The following KIAA1549 variants were observed in gnomAD, a reference collection of about 807,000 sequenced individuals.
The protein encoded by KIAA1549 is KIAA1549.
In KIAA1549, 70 loss-of-function variants were observed where a neutral mutation model predicts 156.4. That is an observed-to-expected ratio of 0.45 (90% CI 0.37 to 0.55). The LOEUF is 0.55. KIAA1549 is among the 20% of genes least tolerant of loss of function. The pLI is 0.00. For missense variants in KIAA1549, 2,428 were observed against 2,540.9 expected, an observed-to-expected ratio of 0.96 and a Z score of 0.96; for synonymous variants, 1,103 against 1,066.4, an observed-to-expected ratio of 1.03 and a Z score of -0.67.
chr7:138,930,008 G>A lies in KIAA1549; in HGVS notation c.188-10570C>T, dbSNP rs74922485. 7.1e-3 allele frequency among the ~76,000 whole-genome samples: 1,085 copies of A among 152,310 alleles called. 13 individuals carry two copies. Among genetic ancestry groups the A allele is most frequent in the East Asian group, 0.047 (246 of 5,182 alleles). ...ATGTATTTCTTATATAGTAAGACTT[G>A]AAAGTCAAAATTACTCTTGATCCAT... On this transcript the variant is annotated intron_variant, in intron 1 of 19. Transcript: ENST00000422774.
chr7:138,947,531 T>C (rs1265628549), intron 1 of KIAA1549, among the ~76,000 whole-genome samples: 1 of 152,208 alleles, frequency 6.6e-6, no homozygotes, highest in Admixed American at 6.5e-5. Context: ...ATATACTTTG[T>C]TTTGAAATTA....
rs765859185 is a variant in KIAA1549, at chr7:138,898,921, G to A, written c.3847+34C>T. On this transcript the variant is annotated intron_variant, in intron 9 of 19. Transcript: ENST00000422774. ...GAGCCTGGCTTTGGTGCCCAGCACA[G>A]CACAGCACAGACGACAACACCTCAG... is the stretch of plus-strand genomic sequence containing the variant. The A allele has an allele frequency of 5.0e-6, 8 of 1,607,638 alleles. No homozygotes were observed. The East Asian group carries it at 1.8e-4, about 36-fold the overall frequency.
At position 138,918,130 on chromosome 7, in the gene KIAA1549, T is replaced by C. The variant is rs780740202; in HGVS notation, c.1496A>G (p.Glu499Gly). The C allele has an allele frequency of 6.2e-7, 1 of 1,613,968 alleles. No homozygotes were observed. Among genetic ancestry groups the C allele is most frequent in the Non-Finnish European group, 8.5e-7 (1 of 1,179,880 alleles). The change falls in exon 2 of 20, where the codon GAA becomes GGA. Residue 499 changes from glutamate to glycine, a missense_variant. Coordinates refer to ENST00000422774, the MANE Select transcript of KIAA1549 (RefSeq NM_001164665.2). The surrounding 1 kb of genome is among the most constrained non-coding windows in gnomAD (Gnocchi z 4.2). Reference sequence around the variant, plus strand: ...AATGCCAACACTCGTCTCTGAGATTTCCATGGATCTAGAAGAAAGTGGGAC... The same window carrying C: ...AATGCCAACACTCGTCTCTGAGATTCCCATGGATCTAGAAGAAAGTGGGAC... ...PIVPLSSRSM[E>G]ISETSVGISA...
chr7:138,932,351 C>T (rs529009888), intron 1 of KIAA1549, among the ~76,000 whole-genome samples: 3 of 151,988 alleles, frequency 2.0e-5, no homozygotes, highest in Admixed American at 6.6e-5. Flanking sequence ...ACTAGGAATG[C>T]AGCCCACTGG....
At chr7:138,869,815 G>C in intron 13 of KIAA1549, 54 bp from the exon 14 acceptor site, 1 of 1,262,852 alleles carries the variant, frequency 7.9e-7, no homozygotes, top group Non-Finnish European at 1.1e-6. Flanking sequence ...GGAAGCTTCT[G>C]GGACACACAC....
chr7:138,916,600 G>T, intron 2 of KIAA1549, 148 bp downstream of exon 2: 1 of 1,294,290 alleles, frequency 7.7e-7, no homozygotes, highest in Non-Finnish European at 1.0e-6. Flanking sequence ...AGAACTCGCA[G>T]GAGGTAAGCA....
In KIAA1549 at chr7:138,869,750, C is replaced by A. The variant is rs528797020; in HGVS notation, c.4563G>T (p.Ala1521=). ...GCTCGATCTCAGACTTGTGCCGCAG[C>A]GCGGTCTGAATCTGAGGAAGGGTGA... ...SNKINKEIQT[A]LRHKSEIEHH... Residue 1521 remains alanine (A), a synonymous_variant, in exon 14 of 20, where the codon GCG becomes GCT. Coordinates refer to ENST00000422774, the MANE Select transcript of KIAA1549 (RefSeq NM_001164665.2). 1.1e-5 allele frequency: 17 copies of A among 1,609,392 alleles called. 1 individual carries two copies. Among genetic ancestry groups the A allele is most frequent in the Middle Eastern group, 1.7e-4 (1 of 5,760 alleles).
intron 17 of KIAA1549, among the ~76,000 whole-genome samples, chr7:138,850,711 C>A (rs1325321727): frequency 1.3e-5 from 2 of 152,146 alleles, no homozygotes; most frequent in Admixed American, 6.5e-5. Flanking sequence ...TTAATTAGAT[C>A]CCATATGTCA....
chr7:138,914,480 C>G (rs1398896217), intron 2 of KIAA1549, among the ~76,000 whole-genome samples: 1 of 152,182 alleles, frequency 6.6e-6, no homozygotes, highest in Non-Finnish European at 1.5e-5. Flanking sequence ...CATCGCAGAC[C>G]CCCAGCACCC....
chr7:138,907,054 G>T lies in KIAA1549; in HGVS notation c.3325C>A (p.Pro1109Thr). ...TTAACCGCAAAGATGATATTCACCG[G>T]GCCCCGCCGAGGAGTCACCCTTGAG... ...SSSRVTPRRG[P>T]VNIIFAVKST... The change falls in exon 6 of 20, where the codon CCG (proline) becomes ACG (threonine). Residue 1109 changes from proline to threonine, a missense_variant. Physicochemically the swap from Pro to Thr is conservative, Grantham distance 38. Transcript: ENST00000422774. 1 of 1,612,646 alleles carries T rather than the reference G, an allele frequency of 6.2e-7. No homozygotes were observed. The highest frequency in any genetic ancestry group is 8.5e-7 in the Non-Finnish European group (1 of 1,179,444).
rs370992436 is a variant in KIAA1549, at chr7:138,933,474, G to A, written c.188-14036C>T. Among the ~76,000 whole-genome samples, 7 of 152,318 alleles carry A rather than the reference G, an allele frequency of 4.6e-5. No homozygotes were observed. The East Asian group carries it at 1.3e-3, about 29-fold the overall frequency. ...CAACTAAATGTGATGTGCAAGTCTG[G>A]ACTGGACTCCAGAACAGAAGTGGAA... is the stretch of plus-strand genomic sequence containing the variant. On this transcript the variant is annotated intron_variant, in intron 1 of 19. Transcript: ENST00000422774.
At chr7:138,851,209 T>A (rs1377481398) in intron 17 of KIAA1549, among the ~76,000 whole-genome samples, 5 of 152,200 alleles carry the variant, frequency 3.3e-5, no homozygotes, top group African/African-American at 1.2e-4. Flanking sequence ...ATATCTACCA[T>A]CTTAAGTTTT....
Position 138,833,369 on chromosome 7 carries a change from G to A in KIAA1549, c.*4537C>T, listed in dbSNP as rs1225752276. On this transcript the variant is annotated 3_prime_UTR_variant, in exon 20 of 20. Coordinates refer to ENST00000422774, the MANE Select transcript of KIAA1549 (RefSeq NM_001164665.2). The stretch of plus-strand genomic sequence containing the variant: ...AAATCAGTGTCCGAATGACTGGCTT[G>A]GTCACTGGAACACTTAGAAAAAAGT... 4.3e-6 allele frequency: 1 copy of A among 232,536 alleles called. No individual in the cohort carries two copies. Among genetic ancestry groups the A allele is most frequent in the East Asian group, 6.1e-5 (1 of 16,474 alleles). 14.4% of individuals were successfully genotyped at this position (232,536 alleles called of 1,614,324 possible).
intron 3 of KIAA1549, 123 bp downstream of exon 3, chr7:138,912,249 C>A: frequency 8.1e-6 from 6 of 742,172 alleles, no homozygotes; most frequent in Non-Finnish European, 1.2e-5. Context: ...TAACCAGGAA[C>A]AGACAAGAGG....
At chr7:138,864,704 C>T (rs1249922298) in intron 15 of KIAA1549, among the ~76,000 whole-genome samples, 1 of 152,150 alleles carries the variant, frequency 6.6e-6, no homozygotes. Flanking sequence ...CCAGGACAAC[C>T]TCAGTTTATG....
chr7:138,865,050 A>T (rs1810697404), intron 15 of KIAA1549, among the ~76,000 whole-genome samples: 1 of 152,166 alleles, frequency 6.6e-6, no homozygotes, highest in South Asian at 2.1e-4. Context: ...CAACAAGGTG[A>T]AAGCCCATCT....
chr7:138,899,240 A>G (rs1811775089), intron 8 of KIAA1549, 108 bp from the exon 9 acceptor site: 1 of 1,007,718 alleles, frequency 9.9e-7, no homozygotes, highest in Non-Finnish European at 1.5e-6. Flanking sequence ...TCCAATCCTC[A>G]TAATAAGCTC....
At chr7:138,838,276 C>A in intron 19 of KIAA1549, 116 bp from the exon 20 acceptor site, 1 of 1,090,964 alleles carries the variant, frequency 9.2e-7, no homozygotes, top group Non-Finnish European at 1.3e-6. Flanking sequence ...CCAACTCAGC[C>A]CTCTAACAGG....
At chr7:138,839,996 T>C (rs958026919) in intron 19 of KIAA1549, 137 bp downstream of exon 19, 2 of 666,652 alleles carry the variant, frequency 3.0e-6, no homozygotes, top group Non-Finnish European at 2.4e-6. Context: ...TTCACTACAT[T>C]GGCCAGGCTG....
Sources: allele counts gnomAD v4.1 joint callset (sites outside exome capture counted in the v4.1 genomes callset), GRCh38; gene constraint gnomAD v4.1.1; non-coding constraint Gnocchi (gnomAD v3.1); transcripts MANE v1.5; gene names NCBI Gene and HGNC (gene_info 2026-07-23, HGNC 2026-07-21).